The following PALLD variants were observed in gnomAD, a reference collection of about 807,000 sequenced individuals.
PALLD encodes the protein palladin, cytoskeletal associated protein.
A neutral mutation model predicts 123.5 loss-of-function variants in PALLD; 61 were observed. That is an observed-to-expected ratio of 0.49 (90% CI 0.40 to 0.61). PALLD has a LOEUF of 0.61. PALLD is among the 20% of genes least tolerant of loss of function. The pLI is 0.00. For synonymous variants in PALLD, 465 were observed against 496.4 expected (o/e 0.94, Z 0.84); for missense variants, 1,273 against 1,377.0 (o/e 0.92, Z 1.20).
chr4:168,606,751 G>C (rs1007611862), intron 2 of PALLD, among the ~76,000 whole-genome samples: 4 of 151,710 alleles, frequency 2.6e-5, no homozygotes, highest in Non-Finnish European at 2.9e-5. Flanking sequence ...CAAGAGCTTG[G>C]TGGCTGAACA....
intron 2 of PALLD, among the ~76,000 whole-genome samples, chr4:168,639,390 A>G (rs1451184652): frequency 6.6e-6 from 1 of 152,314 alleles, no homozygotes; most frequent in East Asian, 1.9e-4. Context: ...CGCATCCTCC[A>G]GTCTGGTGTG....
chr4:168,757,612 T>A (rs1388798599), intron 10 of PALLD, among the ~76,000 whole-genome samples: 1 of 152,236 alleles, frequency 6.6e-6, no homozygotes, highest in Non-Finnish European at 1.5e-5. Flanking sequence ...TCCATGTCCA[T>A]CTGTAATTAG....
At chr4:168,845,559 G>C (rs1269240660) in intron 10 of PALLD, among the ~76,000 whole-genome samples, 1 of 152,174 alleles carries the variant, frequency 6.6e-6, no homozygotes, top group Non-Finnish European at 1.5e-5. Context: ...ATATACAGGA[G>C]GATGTATGTA....
intron 2 of PALLD, among the ~76,000 whole-genome samples, chr4:168,519,394 CCCATAAAAA>C (rs1763308106): frequency 6.6e-6 from 1 of 152,096 alleles, no homozygotes; most frequent in South Asian, 2.1e-4. Context: ...TTTGATTTAC[CCCATAAAAA>C]CCATCCAGAA....
chr4:168,898,785 GC>G (rs1755821567), intron 14 of PALLD, 71 bp downstream of exon 14: 1 of 923,418 alleles, frequency 1.1e-6, no homozygotes, highest in African/African-American at 1.6e-5. Context: ...AACATAGCAT[GC>G]CAGTAGGAGA....
chr4:168,794,509 C>T (rs1581507280), intron 10 of PALLD, among the ~76,000 whole-genome samples: 1 of 133,308 alleles, frequency 7.5e-6, no homozygotes, highest in Non-Finnish European at 1.6e-5. Context: ...CACACACGCA[C>T]ACACACACAC....
chr4:168,783,044 A>ATGTGTGTGTGTGTGTG (rs373278434), intron 10 of PALLD, among the ~76,000 whole-genome samples: 2 of 82,296 alleles, frequency 2.4e-5, no homozygotes, highest in African/African-American at 7.1e-5. Flanking sequence ...TTTTATATAT[A>ATGTGTGTGTGTGTGTG]TATGTGTGTG....
chr4:168,509,754 A>T (rs1006250339), intron 1 of PALLD, among the ~76,000 whole-genome samples: 2 of 152,230 alleles, frequency 1.3e-5, no homozygotes, highest in African/African-American at 4.8e-5. Flanking sequence ...TATCTTTCTA[A>T]GAAGACATGT....
chr4:168,586,689 C>T (rs892262385), intron 2 of PALLD, among the ~76,000 whole-genome samples: 2 of 152,130 alleles, frequency 1.3e-5, no homozygotes, highest in African/African-American at 2.4e-5. Context: ...GAGCTGATTG[C>T]TTCCTGGGTT....
intron 10 of PALLD, among the ~76,000 whole-genome samples, chr4:168,853,587 G>A (rs1748123845): frequency 6.6e-6 from 1 of 152,146 alleles, no homozygotes. Flanking sequence ...CCTGACATCT[G>A]AAGGCTAAAT....
intron 11 of PALLD, among the ~76,000 whole-genome samples, chr4:168,893,786 G>A (rs188156531): frequency 6.6e-6 from 1 of 152,308 alleles, no homozygotes; most frequent in East Asian, 1.9e-4. Flanking sequence ...AGGTAAAACG[G>A]TTTGGGCCAA....
intron 2 of PALLD, among the ~76,000 whole-genome samples, chr4:168,625,510 T>TATATAGATAGATAGATAGATAG (rs1775169265): frequency 1.5e-5 from 1 of 65,096 alleles, no homozygotes; most frequent in Non-Finnish European, 4.1e-5. Flanking sequence ...GAGATATATA[T>TATATAGATAGATAGATAGATAG]ATATATATCC....
chr4:168,652,563 A>G (rs896039952), intron 2 of PALLD, among the ~76,000 whole-genome samples: 1 of 152,238 alleles, frequency 6.6e-6, no homozygotes, highest in Admixed American at 6.5e-5. Flanking sequence ...TAGAGGTTCT[A>G]CGTCAATGAA....
chr4:168,542,105 G>T (rs1432879563), intron 2 of PALLD, among the ~76,000 whole-genome samples: 4 of 152,154 alleles, frequency 2.6e-5, no homozygotes, highest in Non-Finnish European at 4.4e-5. Context: ...ACACCTTTAA[G>T]GTTATACTGC....
intron 2 of PALLD, among the ~76,000 whole-genome samples, chr4:168,567,728 A>T (rs1768548414): frequency 6.6e-6 from 1 of 151,964 alleles, no homozygotes; most frequent in Non-Finnish European, 1.5e-5. Context: ...GTTCTCACTT[A>T]TAAGTGGGAG....
At chr4:168,710,774 T>C (rs1784761300) in intron 9 of PALLD, among the ~76,000 whole-genome samples, 1 of 152,070 alleles carries the variant, frequency 6.6e-6, no homozygotes, top group African/African-American at 2.4e-5. Flanking sequence ...ATAGCAGGAG[T>C]GCAGTGTTTA....
intron 2 of PALLD, among the ~76,000 whole-genome samples, chr4:168,523,596 A>G (rs979451765): frequency 6.6e-6 from 1 of 152,112 alleles, no homozygotes; most frequent in Admixed American, 6.6e-5. Context: ...TGCTTTCTAG[A>G]AGGATAGTAA....
intron 2 of PALLD, chr4:168,598,299 C>G (rs1772189821): frequency 2.4e-6 from 1 of 423,808 alleles, no homozygotes; most frequent in Admixed American, 2.9e-5. Context: ...GAAACATCCT[C>G]CTCCTCATCA....
intron 2 of PALLD, among the ~76,000 whole-genome samples, chr4:168,533,357 G>A (rs1252379778): frequency 6.6e-6 from 1 of 152,136 alleles, no homozygotes. Flanking sequence ...ACTGAGAGGG[G>A]AAGAACCTAC....
Sources: allele counts gnomAD v4.1 joint callset (sites outside exome capture counted in the v4.1 genomes callset), GRCh38; gene constraint gnomAD v4.1.1; transcripts MANE v1.5; gene names NCBI Gene and HGNC (gene_info 2026-07-23, HGNC 2026-07-21).